TERB2: variants seen among roughly 807,000 people sequenced by gnomAD.
The protein encoded by TERB2 is telomere repeat binding bouquet formation protein 2, also known as telomere repeats-binding bouquet formation protein 2.
A neutral mutation model predicts 29.8 loss-of-function variants in TERB2; 26 were observed. The ratio of observed to expected loss-of-function variants is 0.87; its 90% CI spans 0.64 to 1.21. The LOEUF (loss-of-function observed/expected upper bound fraction) is 1.21, where lower values mean the gene tolerates loss of function less well. Ranked by LOEUF, TERB2 falls within the 50% of genes most tolerant of loss-of-function variation. The probability of loss-of-function intolerance (pLI) is 0.00; values close to 1 mark genes in which losing one functional copy is unlikely to be tolerated. For missense variants in TERB2, 240 were observed against 268.6 expected, an observed-to-expected ratio of 0.89 and a Z score of 0.74; for synonymous variants, 80 against 90.8, an observed-to-expected ratio of 0.88 and a Z score of 0.68.
intron 6 of TERB2, chr15:44,976,302 T>C (rs1245512854): frequency 6.6e-6 from 1 of 152,208 alleles, no homozygotes; most frequent in Non-Finnish European, 1.5e-5. Context: ...AGTTGTCAGC[T>C]GGAGTGCAGT....
Position 44,956,760 on chromosome 15 carries a change from C to G in TERB2, c.42C>G (p.Ser14Arg). The stretch of plus-strand genomic sequence containing the variant: ...GCGGTTGGTTTTGCGGCAGCGTTAG[C>G]CAGGATCTGAGGCAATTCTGGGGTA... ...GQRGWFCGSV[S>R]QDLRQFWVAE... Residue 14 changes from serine (S) to arginine (R), a missense_variant, in exon 1 of 7, where the codon AGC (serine) becomes AGG (arginine). By Grantham distance (110) the Ser-to-Arg change is moderately radical (BLOSUM62 -1). Coordinates refer to ENST00000340827, the MANE Select transcript of TERB2 (RefSeq NM_152448.3). The G allele has an allele frequency of 6.2e-7, 1 of 1,613,668 alleles. No individual in the cohort carries two copies. The highest frequency in any genetic ancestry group is 1.7e-5 in the Admixed American group (1 of 59,906).
rs756100384 is a variant in TERB2 at position 44,978,504 on chromosome 15, A to T, written c.539A>T (p.Asp180Val). 1 of 1,604,134 alleles carries T rather than the reference A, an allele frequency of 6.2e-7. No individual in the cohort carries two copies. The highest frequency in any genetic ancestry group is 1.1e-5 in the South Asian group (1 of 88,590). Residue 180 changes from aspartate to valine, a missense_variant, in exon 7 of 7, where the codon GAT becomes GTT. By Grantham distance (152) the Asp-to-Val change is radical. Transcript: ENST00000340827. Reference sequence around the variant, plus strand: ...TATTTTGTAGGTTATATATCAATTGATGCCATGAAGAAATTCCTTGGGGAG... The same window carrying T: ...TATTTTGTAGGTTATATATCAATTGTTGCCATGAAGAAATTCCTTGGGGAG... ...NNMVTGYISIDAMKKFLGELH... is the reference protein window; with the variant it reads ...NNMVTGYISIVAMKKFLGELH...
intron 2 of TERB2, 80 bp from the exon 3 acceptor site, chr15:44,958,293 G>A: frequency 1.8e-5 from 27 of 1,462,022 alleles, no homozygotes; most frequent in Non-Finnish European, 2.5e-5. Context: ...CCTACTTCCA[G>A]TGATTTATTT....
In TERB2 at chr15:44,956,772, G is replaced by C. The variant is rs766705877; in HGVS notation, c.54G>C (p.Arg18Ser). 2 of 1,613,936 alleles carry C rather than the reference G, an allele frequency of 1.2e-6. No individual in the cohort carries two copies. The highest frequency in any genetic ancestry group is 8.5e-7 in the Non-Finnish European group (1 of 1,179,912). ...GCGGCAGCGTTAGCCAGGATCTGAG[G>C]CAATTCTGGGGTAGGAAGCTGAGTG... ...WFCGSVSQDL[R>S]QFWVAEGGTI... The change falls in exon 1 of 7, where the codon AGG (arginine) becomes AGC (serine). Residue 18 changes from arginine (R) to serine (S), a missense_variant. Coordinates refer to ENST00000340827, the MANE Select transcript of TERB2 (RefSeq NM_152448.3).
In TERB2 at chr15:44,978,052, A is replaced by G. The variant is rs182899719; in HGVS notation, c.524-437A>G. On this transcript the variant is annotated intron_variant, in intron 6 of 6. Transcript: ENST00000340827. ...TAACTTTTTTTGTTAAAAGAATCCTATTCCAGTGTTAGCAGTGCAGGAAAG... is the reference window on the plus strand; with the variant it reads ...TAACTTTTTTTGTTAAAAGAATCCTGTTCCAGTGTTAGCAGTGCAGGAAAG... Among the ~76,000 whole-genome samples the G allele has an allele frequency of 9.8e-3, 1,497 of 152,322 alleles. 5 individuals are homozygous for G. Among genetic ancestry groups the G allele is most frequent in the South Asian group, 0.019 (91 of 4,824 alleles).
Position 44,956,884 on chromosome 15 carries a change from T to TTAC in TERB2, c.65-11_65-9dup. ...TGCTTGATAGGTTCACCCTGTGCTC[T>TTAC]TACCTCCACAGTGGCTGAAGGGGGA... On this transcript the variant is annotated splice_polypyrimidine_tract_variant and intron_variant, in intron 1 of 6. Transcript: ENST00000340827. The TTAC allele has an allele frequency of 6.2e-7, 1 of 1,613,980 alleles. No individual in the cohort carries two copies. The highest frequency in any genetic ancestry group is 8.5e-7 in the Non-Finnish European group (1 of 1,179,896).
rs1892088242 is a variant in TERB2 at position 44,979,078 on chromosome 15, G to T, written c.*450G>T. 6.6e-6 allele frequency: 1 copy of T among 151,770 alleles called. No homozygotes were observed. The highest frequency in any genetic ancestry group is 2.4e-5 in the African/African-American group (1 of 41,246). 9.4% of individuals were successfully genotyped at this position (151,770 alleles called of 1,614,324 possible). A position where few individuals can be genotyped will look rare whatever the true frequency, so the allele number is the denominator to read the frequency against. On this transcript the variant is annotated 3_prime_UTR_variant, in exon 7 of 7. Transcript: ENST00000340827. ...TGTGAATGCTAAGTTTTATTAATCT[G>T]GTCATCTTATTTTGATTTTAAAAAT...
chr15:44,968,389 GT>G (rs1255827569), intron 5 of TERB2, among the ~76,000 whole-genome samples: 1 of 151,464 alleles, frequency 6.6e-6, no homozygotes, highest in Non-Finnish European at 1.5e-5. Context: ...CCAGCTAATT[GT>G]TTGTATTTTT....
chr15:44,978,082 GC>G (rs1892071386), intron 6 of TERB2, among the ~76,000 whole-genome samples: 2 of 152,134 alleles, frequency 1.3e-5, no homozygotes, highest in Admixed American at 1.3e-4. Context: ...GGAAAGTGTT[GC>G]CTGCTGGAAC....
At chr15:44,958,262 A>G (rs1431967103) in intron 2 of TERB2, 111 bp from the exon 3 acceptor site, 9 of 1,305,346 alleles carry the variant, frequency 6.9e-6, no homozygotes, top group South Asian at 1.6e-5. Context: ...GCATACATGT[A>G]TGCTTCAATG....
Position 44,966,254 on chromosome 15 carries a change from C to A in TERB2, c.434+11C>A, listed in dbSNP as rs1272300686. 3 of 1,476,776 alleles carry A rather than the reference C, an allele frequency of 2.0e-6. No individual in the cohort carries two copies. Among genetic ancestry groups the A allele is most frequent in the Admixed American group, 2.4e-5 (1 of 42,236 alleles). The allele number at this position is 1,476,776 out of a possible 1,614,324, so 91.5% of individuals were successfully genotyped here. A position where few individuals can be genotyped will look rare whatever the true frequency, so the allele number is the denominator to read the frequency against. On this transcript the variant is annotated intron_variant, in intron 5 of 6. Transcript: ENST00000340827. ...AGAATTATCCAAAAGGTATTGAATT[C>A]AGAAACTTCATTAATATTCAATTCA...
At chr15:44,971,259 T>C (rs111500761) in intron 5 of TERB2, 2,536 of 152,380 alleles carry the variant, frequency 0.017, 22 homozygotes, top group Middle Eastern at 0.03. Flanking sequence ...CCAGGGATCA[T>C]CACGGGTTCA....
rs141802993 is a variant in TERB2 at position 44,970,697 on chromosome 15, C to G, written c.435-3170C>G. The G allele has an allele frequency of 5.8e-5, 10 of 172,488 alleles. No individual in the cohort carries two copies. The East Asian group carries it at 1.5e-3, about 26-fold the overall frequency. The allele number at this position is 172,488 out of a possible 1,614,324, so 10.7% of individuals were successfully genotyped here. A position where few individuals can be genotyped will look rare whatever the true frequency, so the allele number is the denominator to read the frequency against. On this transcript the variant is annotated intron_variant, in intron 5 of 6. Coordinates refer to ENST00000340827, the MANE Select transcript of TERB2 (RefSeq NM_152448.3). ...CAAACCGTGGATCTTCAGGTTACAG[C>G]TTAACTTTTCCACCTCCCAGTTTGA... is the stretch of plus-strand genomic sequence containing the variant.
intron 5 of TERB2, among the ~76,000 whole-genome samples, chr15:44,967,899 AT>A (rs1280541729): frequency 1.9e-5 from 2 of 103,212 alleles, no homozygotes; most frequent in African/African-American, 8.1e-5. Flanking sequence ...ATAAGGGCTA[AT>A]TTCCTTAATA....
intron 4 of TERB2, among the ~76,000 whole-genome samples, chr15:44,962,339 G>A (rs1891818879): frequency 2.0e-5 from 3 of 150,854 alleles, no homozygotes; most frequent in Admixed American, 1.3e-4. Context: ...CAGCCACCAA[G>A]CCCAGCTATT....
intron 4 of TERB2, among the ~76,000 whole-genome samples, chr15:44,965,391 C>G (rs1251474961): frequency 6.9e-6 from 1 of 144,376 alleles, no homozygotes; most frequent in Non-Finnish European, 1.5e-5. Flanking sequence ...ATAATTTGTT[C>G]AGCTTTCTTT....
intron 4 of TERB2, among the ~76,000 whole-genome samples, chr15:44,963,336 G>A (rs1318896526): frequency 1.3e-5 from 2 of 152,086 alleles, no homozygotes; most frequent in East Asian, 3.8e-4. Context: ...AATATTATCT[G>A]TGTAGTATTC....
At chr15:44,959,173 T>G (rs1233344461) in intron 3 of TERB2, among the ~76,000 whole-genome samples, 1 of 152,216 alleles carries the variant, frequency 6.6e-6, no homozygotes, top group Non-Finnish European at 1.5e-5. Flanking sequence ...TTGGTTATGA[T>G]AATAAACCCA....
chr15:44,956,808 G>C, intron 1 of TERB2, 26 bp downstream of exon 1: 1 of 1,613,382 alleles, frequency 6.2e-7, no homozygotes. Context: ...GAAGCAGCGG[G>C]TTAGGTGGTG....
Sources: allele counts gnomAD v4.1 joint callset (sites outside exome capture counted in the v4.1 genomes callset), GRCh38; gene constraint gnomAD v4.1.1; transcripts MANE v1.5; gene names NCBI Gene and HGNC (gene_info 2026-07-23, HGNC 2026-07-21).